Variants in AGMO observed in about 807,000 individuals in gnomAD.
AGMO encodes alkylglycerol monooxygenase, also known as glyceryl-ether monooxygenase.
Under a neutral mutation model 60.2 loss-of-function variants are expected in AGMO, and 75 were observed. That is an observed-to-expected ratio of 1.25 (90% confidence interval 1.03 to 1.51). AGMO has a LOEUF of 1.51. Ranked by LOEUF, AGMO falls within the 40% of genes most tolerant of loss-of-function variation. The pLI is 0.00. For synonymous variants in AGMO, 261 were observed against 177.1 expected, an observed-to-expected ratio of 1.47 and a Z score of -3.76; for missense variants, 763 against 525.5, an observed-to-expected ratio of 1.45 and a Z score of -4.42.
intron 12 of AGMO, among the ~76,000 whole-genome samples, chr7:15,276,420 T>C (rs1040002200): frequency 2.6e-5 from 4 of 152,176 alleles, no homozygotes; most frequent in African/African-American, 9.7e-5. Flanking sequence ...CTGATGAGAT[T>C]TACATTATAG....
At chr7:15,274,852 A>C (rs900401717) in intron 12 of AGMO, among the ~76,000 whole-genome samples, 3 of 151,862 alleles carry the variant, frequency 2.0e-5, no homozygotes, top group African/African-American at 7.3e-5. Context: ...AGAGATGTTT[A>C]TAATAGTCTC....
intron 3 of AGMO, among the ~76,000 whole-genome samples, chr7:15,435,025 T>C (rs963270116): frequency 5.9e-5 from 9 of 152,106 alleles, no homozygotes; most frequent in African/African-American, 2.2e-4. Context: ...TCCCTTCATT[T>C]TGCTGTTTTT....
chr7:15,382,341 T>A (rs746314164), intron 10 of AGMO, among the ~76,000 whole-genome samples: 5 of 152,100 alleles, frequency 3.3e-5, no homozygotes, highest in Admixed American at 6.6e-5. Flanking sequence ...TCCAGGTATA[T>A]ACGAGGAATG....
At chr7:15,241,722 T>C (rs1407935502) in intron 12 of AGMO, among the ~76,000 whole-genome samples, 1 of 83,774 alleles carries the variant, frequency 1.2e-5, no homozygotes, top group African/African-American at 2.9e-5. Flanking sequence ...ATGTAATGGC[T>C]TAAAAAATTC....
intron 3 of AGMO, among the ~76,000 whole-genome samples, chr7:15,507,103 T>G (rs1583625398): frequency 6.6e-6 from 1 of 151,920 alleles, no homozygotes; most frequent in Admixed American, 6.6e-5. Context: ...TTAAGGAAAG[T>G]GTGAGCCAAG....
intron 10 of AGMO, among the ~76,000 whole-genome samples, chr7:15,384,966 C>T (rs1333593952): frequency 2.6e-5 from 4 of 151,770 alleles, no homozygotes; most frequent in South Asian, 2.1e-4. Flanking sequence ...TGGTCTAGTG[C>T]TCTTCTATTT....
chr7:15,153,943 CAT>C, the AGMO span, among the ~76,000 whole-genome samples: 6 of 152,136 alleles, frequency 3.9e-5, no homozygotes, highest in East Asian at 1.2e-3. Context: ...GCAATACAGT[CAT>C]TTTCACAATA....
At chr7:15,273,689 T>C (rs1314468684) in intron 12 of AGMO, among the ~76,000 whole-genome samples, 7 of 152,316 alleles carry the variant, frequency 4.6e-5, no homozygotes, top group African/African-American at 7.2e-5. Flanking sequence ...GGGGATGGCA[T>C]TGAATCTATA....
At chr7:15,263,629 T>C (rs1054808883) in intron 12 of AGMO, among the ~76,000 whole-genome samples, 1 of 152,112 alleles carries the variant, frequency 6.6e-6, no homozygotes, top group Non-Finnish European at 1.5e-5. Context: ...TGAATGTTTA[T>C]AGCAGCACAA....
intron 4 of AGMO, among the ~76,000 whole-genome samples, chr7:15,422,954 G>A (rs1170091149): frequency 1.3e-5 from 2 of 152,112 alleles, no homozygotes; most frequent in Non-Finnish European, 2.9e-5. Context: ...AAAGTGAGGA[G>A]GCAATGACAA....
chr7:15,262,062 G>A (rs1358653408), intron 12 of AGMO, among the ~76,000 whole-genome samples: 1 of 151,748 alleles, frequency 6.6e-6, no homozygotes, highest in African/African-American at 2.4e-5. Context: ...AAAGTTGAAA[G>A]CATTCCCCCT....
chr7:15,303,385 G>A (rs903088618), intron 12 of AGMO, among the ~76,000 whole-genome samples: 3 of 151,674 alleles, frequency 2.0e-5, no homozygotes, highest in Non-Finnish European at 2.9e-5. Flanking sequence ...CTAGCAAGAT[G>A]AATGTCTAAT....
At chr7:15,553,690 A>C (rs1436998368) in intron 2 of AGMO, among the ~76,000 whole-genome samples, 9 of 152,150 alleles carry the variant, frequency 5.9e-5, no homozygotes, top group Admixed American at 5.9e-4. Context: ...AAGGTCCTAG[A>C]AAAACTTCCA....
chr7:15,553,520 A>G (rs1400702528), intron 2 of AGMO, among the ~76,000 whole-genome samples: 1 of 151,928 alleles, frequency 6.6e-6, no homozygotes, highest in Non-Finnish European at 1.5e-5. Flanking sequence ...CAGGCACAGC[A>G]CAAGACACAA....
intron 3 of AGMO, among the ~76,000 whole-genome samples, chr7:15,504,101 T>C (rs2128526504): frequency 6.6e-6 from 1 of 151,856 alleles, no homozygotes; most frequent in African/African-American, 2.4e-5. Flanking sequence ...GTAGAGGGAG[T>C]GGAGATCTAA....
intron 12 of AGMO, among the ~76,000 whole-genome samples, chr7:15,216,142 G>C (rs956830915): frequency 2.3e-4 from 35 of 151,962 alleles, no homozygotes; most frequent in African/African-American, 8.5e-4. Flanking sequence ...CATAAATCAG[G>C]GTCAACACAT....
At chr7:15,438,698 A>G (rs990877966) in intron 3 of AGMO, among the ~76,000 whole-genome samples, 6 of 152,198 alleles carry the variant, frequency 3.9e-5, no homozygotes, top group African/African-American at 1.4e-4. Context: ...GCCCTAGGGT[A>G]CGCAAAGACA....
At chr7:15,277,067 G>A (rs1783818813) in intron 12 of AGMO, among the ~76,000 whole-genome samples, 1 of 151,760 alleles carries the variant, frequency 6.6e-6, no homozygotes, top group Non-Finnish European at 1.5e-5. Context: ...CAGCACTTTG[G>A]GAGGCCAAGG....
intron 2 of AGMO, among the ~76,000 whole-genome samples, chr7:15,558,277 T>C (rs1449908140): frequency 6.6e-6 from 1 of 152,046 alleles, no homozygotes; most frequent in Non-Finnish European, 1.5e-5. Context: ...TGCTGTCAAA[T>C]TCATTGTCAA....
Sources: gnomAD v4.1 joint callset for allele counts (sites outside exome capture counted in the v4.1 genomes callset) on GRCh38, gnomAD v4.1.1 for gene constraint, MANE v1.5 for transcripts, NCBI Gene and HGNC (gene_info 2026-07-23, HGNC 2026-07-21) for gene names.